The following CDH5 variants were observed in gnomAD, a reference collection of about 807,000 sequenced individuals.
CDH5 encodes the protein cadherin 5.
Under a neutral mutation model 62.0 loss-of-function variants are expected in CDH5, and 28 were observed. That is an observed-to-expected ratio of 0.45 (90% CI 0.33 to 0.62). CDH5 has a LOEUF of 0.62. Ranked by LOEUF, CDH5 falls within the 20% of genes least tolerant of loss-of-function variation. The pLI, the probability that CDH5 is intolerant of heterozygous loss-of-function variation, is 0.02. For synonymous variants in CDH5, 464 were observed against 445.8 expected (o/e 1.04, Z -0.52); for missense variants, 940 against 1,065.1 (o/e 0.88, Z 1.63).
At chr16:66,401,641 A>C (rs1405147792) in intron 11 of CDH5, among the ~76,000 whole-genome samples, 1 of 152,186 alleles carries the variant, frequency 6.6e-6, no homozygotes, top group African/African-American at 2.4e-5. Flanking sequence ...ATACCTCCTA[A>C]GGCAGAGGGG....
chr16:66,403,209 T>G lies in CDH5; in HGVS notation c.*40T>G. 6.4e-7 allele frequency: 1 copy of G among 1,563,744 alleles called. No individual in the cohort carries two copies. Reference sequence around the variant, plus strand: ...TCTGGGCCTGGGGACCCAAACCCCCTGCAGCCCAGGCCAGTCAGACGCCAG... The same window carrying G: ...TCTGGGCCTGGGGACCCAAACCCCCGGCAGCCCAGGCCAGTCAGACGCCAG... On this transcript the variant is annotated 3_prime_UTR_variant, in exon 12 of 12. Coordinates refer to ENST00000341529, the MANE Select transcript of CDH5 (RefSeq NM_001795.5). This position sits in a 1 kb window ranked among gnomAD's most constrained non-coding sequence, Gnocchi z 4.3.
At chr16:66,379,611 T>TG in intron 2 of CDH5, 64 bp downstream of exon 2, 2 of 1,434,788 alleles carry the variant, frequency 1.4e-6, no homozygotes, top group Middle Eastern at 3.5e-4. Context: ...CAAGTGGTGG[T>TG]GGTGATGGCG....
intron 7 of CDH5, chr16:66,395,335 A>C (rs546498523): frequency 3.3e-5 from 5 of 150,966 alleles, no homozygotes; most frequent in Non-Finnish European, 7.4e-5. Context: ...TAAGGAAATT[A>C]TTTCTTTCTG....
intron 7 of CDH5, among the ~76,000 whole-genome samples, chr16:66,393,227 T>G (rs1961120179): frequency 6.6e-6 from 1 of 152,230 alleles, no homozygotes; most frequent in African/African-American, 2.4e-5. Flanking sequence ...ATACTAAGTT[T>G]TCTGTATATA....
rs375908441 is a variant in CDH5, at chr16:66,389,541, G to A, written c.781+19G>A. The A allele has an allele frequency of 6.5e-7, 1 of 1,536,274 alleles. No homozygotes were observed. ...ACCCAGAGTGAGCCCCTCCTCTAGG[G>A]CCCTGGGAAGGGGGGCTGGGATACC... On this transcript the variant is annotated intron_variant, in intron 5 of 11. Coordinates refer to ENST00000341529, the MANE Select transcript of CDH5 (RefSeq NM_001795.5).
rs1213863685 is a variant in CDH5, at chr16:66,385,544, CT to C, written c.211-1264del. 4.6e-5 allele frequency among the ~76,000 whole-genome samples: 7 copies of C among 152,342 alleles called. No homozygotes were observed. In the East Asian group the frequency reaches 1.3e-3, roughly 29 times the overall value. On this transcript the variant is annotated intron_variant, in intron 2 of 11. Transcript: ENST00000341529. The stretch of plus-strand genomic sequence containing the variant: ...GGGTGTGCTGATATATGTTTGACAA[CT>C]GGCTGTCCAGGGGAAAAGTTCTGAT...
chr16:66,389,160 G>A (rs567048670), intron 4 of CDH5, among the ~76,000 whole-genome samples, 198 bp from the exon 5 acceptor site: 45 of 152,248 alleles, frequency 3.0e-4, no homozygotes, highest in Middle Eastern at 3.4e-3. Context: ...GACCAATACC[G>A]AACCCAACTA....
In CDH5 at chr16:66,378,053, C is replaced by A. The variant is rs575252224; in HGVS notation, c.-19-1266C>A. Among the ~76,000 whole-genome samples the A allele has an allele frequency of 1.4e-3, 209 of 152,312 alleles. 1 individual carries two copies. Among genetic ancestry groups the A allele is most frequent in the Non-Finnish European group, 2.7e-3 (182 of 68,030 alleles). ...GAAGCCATTCCTATGAACCCAGACC[C>A]TCAACTCACCACCCCACCCACCCCT... On this transcript the variant is annotated intron_variant, in intron 1 of 11. Coordinates refer to ENST00000341529, the MANE Select transcript of CDH5 (RefSeq NM_001795.5).
At chr16:66,389,616 C>A in intron 5 of CDH5, 94 bp downstream of exon 5, 2 of 1,107,638 alleles carry the variant, frequency 1.8e-6, no homozygotes, top group Non-Finnish European at 1.3e-6. Flanking sequence ...AATCACTTTA[C>A]CTCTCCCTCT....
At chr16:66,370,656 A>G (rs1225102400) in intron 1 of CDH5, among the ~76,000 whole-genome samples, 1 of 152,176 alleles carries the variant, frequency 6.6e-6, no homozygotes, top group Non-Finnish European at 1.5e-5. Flanking sequence ...GCCTGGGCAG[A>G]TAGGCCAGGA....
intron 11 of CDH5, among the ~76,000 whole-genome samples, chr16:66,401,822 C>T (rs1278653238): frequency 1.3e-5 from 2 of 152,198 alleles, no homozygotes; most frequent in Non-Finnish European, 2.9e-5. Context: ...CGCCATGAGA[C>T]GCAGCAGGGG....
Position 66,400,981 on chromosome 16 carries a change from T to C in CDH5, c.1802T>C (p.Val601Ala). Residue 601 changes from valine (V) to alanine (A), a missense_variant, in exon 11 of 12, where the codon GTG (valine) becomes GCG (alanine). Coordinates refer to ENST00000341529, the MANE Select transcript of CDH5 (RefSeq NM_001795.5). ...AAQVGVSIQA[V>A]VAILLCILTI... Reference sequence around the variant, plus strand: ...CAGGTGGGCGTGAGCATCCAGGCAGTGGTAGCCATCTTACTCTGCATCCTC... The same window carrying C: ...CAGGTGGGCGTGAGCATCCAGGCAGCGGTAGCCATCTTACTCTGCATCCTC... The C allele has an allele frequency of 6.2e-7, 1 of 1,614,036 alleles. No individual in the cohort carries two copies. The highest frequency in any genetic ancestry group is 8.5e-7 in the Non-Finnish European group (1 of 1,180,020).
At chr16:66,384,106 T>A (rs1960942680) in intron 2 of CDH5, among the ~76,000 whole-genome samples, 1 of 126,372 alleles carries the variant, frequency 7.9e-6, no homozygotes. Context: ...TTTTTTTGAG[T>A]CTGAGTCTCG....
chr16:66,393,233 A>G (rs1247379575), intron 7 of CDH5, among the ~76,000 whole-genome samples: 3 of 152,230 alleles, frequency 2.0e-5, no homozygotes, highest in African/African-American at 4.8e-5. Flanking sequence ...AGTTTTCTGT[A>G]TATACCTGTA....
Position 66,403,040 on chromosome 16 carries a change from C to T in CDH5, c.2226C>T (p.Ser742=), listed in dbSNP as rs1379693943. Reference sequence around the variant, plus strand: ...AGGGCTCCGAGTCCATAGCCGAGTCCCTCAGCTCCCTGGGCACCGACTCAT... The same window carrying T: ...AGGGCTCCGAGTCCATAGCCGAGTCTCTCAGCTCCCTGGGCACCGACTCAT... ...GYEGSESIAE[S]LSSLGTDSSD... Residue 742 remains serine, a synonymous_variant, in exon 12 of 12, where the codon TCC becomes TCT. Coordinates refer to ENST00000341529, the MANE Select transcript of CDH5 (RefSeq NM_001795.5). The surrounding 1 kb of genome is among the most constrained non-coding windows in gnomAD (Gnocchi z 4.3). The T allele has an allele frequency of 4.3e-6, 7 of 1,613,342 alleles. No individual in the cohort carries two copies. Among genetic ancestry groups the T allele is most frequent in the Middle Eastern group, 1.6e-4 (1 of 6,084 alleles).
Position 66,400,896 on chromosome 16 carries a change from G to A in CDH5, c.1717G>A (p.Val573Met), listed in dbSNP as rs141990946. The part of the protein sequence containing the change: ...PSRTGTSTLT[V>M]AVCKCNEQGE... ...TCGCACGGGCACCAGCACGCTGACC[G>A]TGGCCGTGTGCAAGTGCAACGAGCA... Residue 573 changes from valine to methionine, a missense_variant, in exon 11 of 12, where the codon GTG (valine) becomes ATG (methionine). Physicochemically the swap from Val to Met is conservative, Grantham distance 21 (BLOSUM62 1). Coordinates refer to ENST00000341529, the MANE Select transcript of CDH5 (RefSeq NM_001795.5). 155 of 1,614,188 alleles carry A rather than the reference G, an allele frequency of 9.6e-5. No individual in the cohort carries two copies. In the African/African-American group the frequency reaches 1.4e-3, roughly 14 times the overall value.
intron 1 of CDH5, among the ~76,000 whole-genome samples, chr16:66,374,959 C>G (rs1960759076): frequency 1.3e-5 from 2 of 152,102 alleles, no homozygotes; most frequent in African/African-American, 4.8e-5. Context: ...CCCCCCACCC[C>G]ACGACAGGCC....
chr16:66,394,864 TG>T (rs1159272481), intron 7 of CDH5, among the ~76,000 whole-genome samples: 1 of 53,148 alleles, frequency 1.9e-5, no homozygotes, highest in Non-Finnish European at 3.7e-5. Context: ...TTTTGGGGGG[TG>T]GGGGGGACAG....
chr16:66,380,722 G>A (rs1960882888), intron 2 of CDH5, among the ~76,000 whole-genome samples: 1 of 151,848 alleles, frequency 6.6e-6, no homozygotes, highest in Non-Finnish European at 1.5e-5. Flanking sequence ...ACAAGGTGGT[G>A]GTGGTGGTGG....
Sources: allele counts gnomAD v4.1 joint callset (sites outside exome capture counted in the v4.1 genomes callset), GRCh38; gene constraint gnomAD v4.1.1; non-coding constraint Gnocchi (gnomAD v3.1); transcripts MANE v1.5; gene names NCBI Gene and HGNC (gene_info 2026-07-23, HGNC 2026-07-21).